ALDH1A3: variants seen among roughly 807,000 people sequenced by gnomAD.
The protein encoded by ALDH1A3 is aldehyde dehydrogenase 1 family member A3, also known as retinaldehyde dehydrogenase 3.
In ALDH1A3, 28 loss-of-function variants were observed where a neutral mutation model predicts 57.5. The ratio of observed to expected loss-of-function variants is 0.49; its 90% CI spans 0.36 to 0.67. The LOEUF (loss-of-function observed/expected upper bound fraction) is 0.67. Among genes scored for constraint, ALDH1A3 ranks in the 30% least tolerant of loss-of-function variants. The probability of loss-of-function intolerance (pLI) is 0.00; values close to 1 mark genes in which losing one functional copy is unlikely to be tolerated. For missense variants in ALDH1A3, 507 were observed against 669.4 expected (o/e 0.76, Z 2.68); for synonymous variants, 281 against 264.8 (o/e 1.06, Z -0.59).
chr15:100,912,471 T>G (rs1346659835), intron 12 of ALDH1A3, among the ~76,000 whole-genome samples: 1 of 152,248 alleles, frequency 6.6e-6, no homozygotes, highest in Non-Finnish European at 1.5e-5. Flanking sequence ...GTTGTAAATT[T>G]TTTTTCTAGT....
At position 100,900,713 on chromosome 15, in the gene ALDH1A3, G is replaced by A. The variant is rs2041758711; in HGVS notation, c.1022G>A (p.Arg341Gln). 7 of 1,614,098 alleles carry A rather than the reference G, an allele frequency of 4.3e-6. No individual in the cohort carries two copies. The South Asian group carries it at 4.4e-5, about 10-fold the overall frequency. Residue 341 changes from arginine (R) to glutamine (Q), a missense_variant, in exon 9 of 13, where the codon CGG becomes CAG. Transcript: ENST00000329841. ...VRRSVEYAKK[R>Q]PVGDPFDVKT... The stretch of plus-strand genomic sequence containing the variant: ...CGGAGCGTGGAGTATGCCAAGAAAC[G>A]GCCCGTGGGAGACCCCTTCGATGTC...
intron 3 of ALDH1A3, 93 bp from the exon 4 acceptor site, chr15:100,892,417 C>T: frequency 1.3e-6 from 2 of 1,564,836 alleles, no homozygotes; most frequent in Non-Finnish European, 1.7e-6. Flanking sequence ...TGTCCTAGGA[C>T]TGTGTTCTCT....
At chr15:100,901,001 A>ATC (rs1250501870) in intron 9 of ALDH1A3, among the ~76,000 whole-genome samples, 2 of 152,198 alleles carry the variant, frequency 1.3e-5, no homozygotes, top group Admixed American at 1.3e-4. Context: ...GCAGAAGGCC[A>ATC]TCTGCCTGAA....
chr15:100,882,668 G>A (rs187554556), intron 1 of ALDH1A3, among the ~76,000 whole-genome samples: 39 of 152,312 alleles, frequency 2.6e-4, no homozygotes, highest in Admixed American at 2.1e-3. Context: ...TTTGTAAAAT[G>A]TGAACCAGGT....
chr15:100,914,308 T>G (rs758988860), intron 12 of ALDH1A3: 1 of 159,630 alleles, frequency 6.3e-6, no homozygotes, highest in East Asian at 1.8e-4. Flanking sequence ...CTAAAAGTTA[T>G]CAACCCAGTG....
intron 9 of ALDH1A3, among the ~76,000 whole-genome samples, chr15:100,901,550 G>C (rs1314566255): frequency 6.6e-6 from 1 of 152,180 alleles, no homozygotes; most frequent in African/African-American, 2.4e-5. Context: ...TGTTTACAGG[G>C]GAGGCTGCTG....
chr15:100,905,714 G>GAA (rs747889350), intron 10 of ALDH1A3, 27 bp downstream of exon 10: 3 of 1,515,848 alleles, frequency 2.0e-6, no homozygotes, highest in Non-Finnish European at 2.6e-6. Context: ...GCAAGGCTAC[G>GAA]ACTTGCGGGG....
intron 12 of ALDH1A3, chr15:100,913,551 G>A (rs998295337): frequency 2.0e-5 from 3 of 152,146 alleles, no homozygotes; most frequent in African/African-American, 7.2e-5. Flanking sequence ...GATTACACTG[G>A]GTCTGCCTGG....
chr15:100,895,947 A>T lies in ALDH1A3; in HGVS notation c.681A>T (p.Pro227=). Residue 227 remains proline, a synonymous_variant, in exon 7 of 13, where the codon CCA becomes CCT. Coordinates refer to ENST00000329841, the MANE Select transcript of ALDH1A3 (RefSeq NM_000693.4). ...TTTCTTCCCAGGCCGGGTTCCCTCC[A>T]GGAGTGGTGAACATTGTGCCAGGAT... ...GSLIKEAGFP[P]GVVNIVPGFG... is the part of the protein sequence containing the mutation. 1 of 1,613,202 alleles carries T rather than the reference A, an allele frequency of 6.2e-7. No homozygotes were observed. Among genetic ancestry groups the T allele is most frequent in the Non-Finnish European group, 8.5e-7 (1 of 1,179,622 alleles).
At position 100,879,865 on chromosome 15, in the gene ALDH1A3, G is replaced by T; in HGVS notation, c.-43G>T. On this transcript the variant is annotated 5_prime_UTR_variant, in exon 1 of 13. Transcript: ENST00000329841. ...CGCAGTGTCCGGGCCGAGCCGGTGC[G>T]CCGCAGACTAGGGCGCCTCGGGCCA... 6.1e-6 allele frequency: 8 copies of T among 1,304,840 alleles called. No homozygotes were observed. The highest frequency in any genetic ancestry group is 7.9e-6 in the Non-Finnish European group (8 of 1,016,578). 80.8% of individuals were successfully genotyped at this position (1,304,840 alleles called of 1,614,324 possible).
chr15:100,883,818 G>A (rs192338011), intron 1 of ALDH1A3, among the ~76,000 whole-genome samples: 2 of 152,282 alleles, frequency 1.3e-5, no homozygotes, highest in Admixed American at 1.3e-4. Flanking sequence ...GCCCAATACA[G>A]AGAATGTAAC....
Position 100,885,291 on chromosome 15 carries a change from G to C in ALDH1A3, c.124G>C (p.Glu42Gln). Residue 42 changes from glutamate to glutamine, a missense_variant, in exon 2 of 13, where the codon GAA becomes CAA. By Grantham distance (29) the Glu-to-Gln change is conservative. Transcript: ENST00000329841. ...GATATTTATCAACAATGAATGGCAC[G>C]AATCCAAGAGTGGGAAAAAGTTTGC... ...TKIFINNEWH[E>Q]SKSGKKFATC... The C allele has an allele frequency of 6.2e-7, 1 of 1,613,596 alleles. No homozygotes were observed. The highest frequency in any genetic ancestry group is 1.6e-4 in the Middle Eastern group (1 of 6,062).
chr15:100,890,929 G>A (rs1023838205), intron 3 of ALDH1A3, among the ~76,000 whole-genome samples: 1 of 152,222 alleles, frequency 6.6e-6, no homozygotes, highest in Non-Finnish European at 1.5e-5. Flanking sequence ...CAACACTAGA[G>A]TATACTTGAT....
Position 100,907,225 on chromosome 15 carries a change from A to G in ALDH1A3, c.1338A>G (p.Lys446=). Reference sequence around the variant, plus strand: ...GACTCACAGCAGCCGTGTTCACAAAAAATCTCGACAAAGCCCTGAAGTTGG... The same window carrying G: ...GACTCACAGCAGCCGTGTTCACAAAGAATCTCGACAAAGCCCTGAAGTTGG... ...DYGLTAAVFT[K]NLDKALKLAS... The change falls in exon 11 of 13, where the codon AAA becomes AAG. Residue 446 remains lysine (K), a synonymous_variant. Transcript: ENST00000329841. The G allele has an allele frequency of 6.2e-7, 1 of 1,614,228 alleles. No homozygotes were observed. The highest frequency in any genetic ancestry group is 8.5e-7 in the Non-Finnish European group (1 of 1,180,030).
intron 1 of ALDH1A3, among the ~76,000 whole-genome samples, chr15:100,884,988 C>G (rs2041581620): frequency 6.6e-6 from 1 of 152,068 alleles, no homozygotes. Context: ...CATGTTATTG[C>G]TGAAGATAAT....
chr15:100,914,786 G>T lies in ALDH1A3; in HGVS notation c.*13G>T, dbSNP rs767189784. On this transcript the variant is annotated 3_prime_UTR_variant, in exon 13 of 13. Transcript: ENST00000329841. Reference sequence around the variant, plus strand: ...CAAGAACCCCTGAAGGAAAGGCGGGGCTCCTTCCTCAAACATCGGACGGCG... The same window carrying T: ...CAAGAACCCCTGAAGGAAAGGCGGGTCTCCTTCCTCAAACATCGGACGGCG... 1.2e-6 allele frequency: 2 copies of T among 1,613,098 alleles called. No individual in the cohort carries two copies. Among genetic ancestry groups the T allele is most frequent in the Non-Finnish European group, 1.7e-6 (2 of 1,179,436 alleles).
chr15:100,901,900 G>A (rs934935460), intron 9 of ALDH1A3, among the ~76,000 whole-genome samples: 1 of 152,152 alleles, frequency 6.6e-6, no homozygotes, highest in Non-Finnish European at 1.5e-5. Context: ...ACACTCCGAC[G>A]CCACGTGACC....
chr15:100,915,401 G>C lies in ALDH1A3; in HGVS notation c.*628G>C, dbSNP rs898574212. 6 of 152,334 alleles carry C rather than the reference G, an allele frequency of 3.9e-5. No individual in the cohort carries two copies. The highest frequency in any genetic ancestry group is 1.4e-4 in the African/African-American group (6 of 41,440). The allele number at this position is 152,334 out of a possible 1,614,324, so 9.4% of individuals were successfully genotyped here. On this transcript the variant is annotated 3_prime_UTR_variant, in exon 13 of 13. Coordinates refer to ENST00000329841, the MANE Select transcript of ALDH1A3 (RefSeq NM_000693.4). Reference sequence around the variant, plus strand: ...TCTTTGTGGATTGCATGTTGACATTGACCGTGAGATTCGGCTTCAAACCAA... The same window carrying C: ...TCTTTGTGGATTGCATGTTGACATTCACCGTGAGATTCGGCTTCAAACCAA...
intron 2 of ALDH1A3, among the ~76,000 whole-genome samples, chr15:100,886,727 TAGAA>T (rs1253894846): frequency 2.0e-5 from 3 of 152,192 alleles, no homozygotes; most frequent in South Asian, 2.1e-4. Context: ...TCTTTCCTTT[TAGAA>T]AGAAGGTTCC....
Sources: gnomAD v4.1 joint callset for allele counts (sites outside exome capture counted in the v4.1 genomes callset) on GRCh38, gnomAD v4.1.1 for gene constraint, MANE v1.5 for transcripts, NCBI Gene and HGNC (gene_info 2026-07-23, HGNC 2026-07-21) for gene names.